MKLN1: variants seen among roughly 807,000 people sequenced by gnomAD.
The protein encoded by MKLN1 is muskelin 1, also known as muskelin.
Under a neutral mutation model 99.0 loss-of-function variants are expected in MKLN1, and 18 were observed. That is an observed-to-expected ratio of 0.18 (90% CI 0.13 to 0.27). MKLN1 has a LOEUF of 0.27. Among genes scored for constraint, MKLN1 ranks in the 10% least tolerant of loss-of-function variants. The pLI, the probability that MKLN1 is intolerant of heterozygous loss-of-function variation, is 1.00. For missense variants in MKLN1, 621 were observed against 875.9 expected, an observed-to-expected ratio of 0.71 and a Z score of 3.67; for synonymous variants, 288 against 293.2, an observed-to-expected ratio of 0.98 and a Z score of 0.18.
intron 1 of MKLN1, among the ~76,000 whole-genome samples, chr7:131,345,389 G>T (rs1451416694): frequency 6.6e-6 from 1 of 152,164 alleles, no homozygotes; most frequent in African/African-American, 2.4e-5. Flanking sequence ...AACTCAAAAA[G>T]TTTTCAGATT....
intron 1 of MKLN1, among the ~76,000 whole-genome samples, chr7:131,127,751 A>C (rs961886877): frequency 3.9e-5 from 6 of 152,132 alleles, no homozygotes; most frequent in African/African-American, 1.4e-4. Context: ...GATTGACTTA[A>C]AGCCCTGGTG....
At chr7:131,218,225 T>TGC (rs1797012537) in intron 3 of MKLN1, among the ~76,000 whole-genome samples, 2 of 152,204 alleles carry the variant, frequency 1.3e-5, no homozygotes, top group Non-Finnish European at 2.9e-5. Context: ...AATGATGTTA[T>TGC]CCATAGGGGC....
intron 1 of MKLN1, among the ~76,000 whole-genome samples, chr7:131,328,700 T>A (rs1798972692): frequency 6.6e-6 from 1 of 152,174 alleles, no homozygotes; most frequent in Non-Finnish European, 1.5e-5. Context: ...CACAGACACG[T>A]TTCCCAGTCC....
intron 3 of MKLN1, among the ~76,000 whole-genome samples, chr7:131,270,420 C>G (rs1797867620): frequency 1.3e-5 from 2 of 152,172 alleles, no homozygotes; most frequent in Non-Finnish European, 1.5e-5. Flanking sequence ...AGGGTTTCAC[C>G]ATGTTGGCCA....
At chr7:131,271,923 A>T (rs1446184650) in intron 3 of MKLN1, among the ~76,000 whole-genome samples, 1 of 152,036 alleles carries the variant, frequency 6.6e-6, no homozygotes, top group Non-Finnish European at 1.5e-5. Flanking sequence ...AAAAAAAAAA[A>T]ATCAAAGATT....
In MKLN1 at chr7:131,491,024, A is replaced by C. The variant is rs1797409282; in HGVS notation, c.*3296A>C. The C allele has an allele frequency of 6.6e-6, 1 of 152,182 alleles. No individual in the cohort carries two copies. Among genetic ancestry groups the C allele is most frequent in the South Asian group, 2.1e-4 (1 of 4,834 alleles). The allele number at this position is 152,182 out of a possible 1,614,324, so 9.4% of individuals were successfully genotyped here. On this transcript the variant is annotated 3_prime_UTR_variant, in exon 18 of 18. Coordinates refer to ENST00000352689, the MANE Select transcript of MKLN1 (RefSeq NM_013255.5). The stretch of plus-strand genomic sequence containing the variant: ...AATTATACTCAATTTCATGGTAATT[A>C]CATGAAGAAGTTACCTGCAATTATT...
intron 2 of MKLN1, among the ~76,000 whole-genome samples, chr7:131,375,836 A>T (rs1030607005): frequency 1.0e-4 from 15 of 150,200 alleles, no homozygotes; most frequent in Non-Finnish European, 1.9e-4. Context: ...TTATTTTATT[A>T]TAATATTATT....
chr7:131,258,326 CTCTGTTGCTGGAGGAAGAT>C (rs374068520), intron 3 of MKLN1, among the ~76,000 whole-genome samples: 93 of 146,088 alleles, frequency 6.4e-4, no homozygotes, highest in African/African-American at 2.1e-3. Flanking sequence ...TCCTGAGATG[CTCTGTTGCTGGAGGAAGAT>C]TCTGTTGCTG....
intron 1 of MKLN1, among the ~76,000 whole-genome samples, chr7:131,331,474 C>T (rs1799072417): frequency 6.6e-6 from 1 of 152,028 alleles, no homozygotes; most frequent in South Asian, 2.1e-4. Context: ...GTTAACTTGC[C>T]CAGGTCTAAG....
Position 131,143,035 on chromosome 7 carries a change from CT to C in MKLN1, c.-297+96del, listed in dbSNP as rs1255945119. Reference sequence around the variant, plus strand: ...CTTTTCAAATTCTTCTCTCTGGAGTCTTCATCAGAAGATGTGACTGGAGTCC... The same window carrying C: ...CTTTTCAAATTCTTCTCTCTGGAGTCTCATCAGAAGATGTGACTGGAGTCC... On this transcript the variant is annotated intron_variant, in intron 2 of 7. Transcript: ENST00000416992. The C allele has an allele frequency of 4.5e-6, 4 of 884,398 alleles. No individual in the cohort carries two copies. In the African/African-American group the frequency reaches 7.0e-5, roughly 15 times the overall value. The allele number at this position is 884,398 out of a possible 1,614,324, so 54.8% of individuals were successfully genotyped here. A position where few individuals can be genotyped will look rare whatever the true frequency, so the allele number is the denominator to read the frequency against.
At chr7:131,444,789 G>C (rs1255016206) in intron 11 of MKLN1, among the ~76,000 whole-genome samples, 4 of 147,878 alleles carry the variant, frequency 2.7e-5, no homozygotes, top group Non-Finnish European at 4.5e-5. Context: ...AGTAGTAGTA[G>C]TAGTAGTAGT....
chr7:131,420,557 A>G (rs892951783), intron 8 of MKLN1, among the ~76,000 whole-genome samples: 2 of 152,250 alleles, frequency 1.3e-5, no homozygotes, highest in African/African-American at 4.8e-5. Context: ...TTAGACATCT[A>G]CATAGGTATG....
At chr7:131,138,868 C>A (rs780727895) in intron 1 of MKLN1, among the ~76,000 whole-genome samples, 1 of 152,158 alleles carries the variant, frequency 6.6e-6, no homozygotes, top group Non-Finnish European at 1.5e-5. Context: ...TCATTGTATG[C>A]GTCTTGGAAA....
rs1051594111 is a variant in MKLN1, at chr7:131,351,180, C to T, written c.98+23183C>T. Among the ~76,000 whole-genome samples the T allele has an allele frequency of 7.9e-5, 12 of 151,850 alleles. No individual in the cohort carries two copies. The South Asian group carries it at 8.3e-4, about 11-fold the overall frequency. On this transcript the variant is annotated intron_variant, in intron 1 of 17. Transcript: ENST00000352689. ...AGAGGATTGCTTGAGTCCAGGAGGT[C>T]GAGGCTGCAGTGAGCTATGATTGTG...
intron 3 of MKLN1, among the ~76,000 whole-genome samples, chr7:131,285,553 A>G (rs1056392644): frequency 6.6e-6 from 1 of 152,194 alleles, no homozygotes; most frequent in African/African-American, 2.4e-5. Flanking sequence ...TTCCCTCCTG[A>G]CAATCACCTT....
chr7:131,191,565 G>A (rs1038221166), intron 2 of MKLN1, among the ~76,000 whole-genome samples: 4 of 152,064 alleles, frequency 2.6e-5, no homozygotes, highest in African/African-American at 9.7e-5. Flanking sequence ...AAAGGAAATT[G>A]AAGAATTTTC....
At chr7:131,165,826 G>A (rs928152433) in intron 2 of MKLN1, among the ~76,000 whole-genome samples, 6 of 152,216 alleles carry the variant, frequency 3.9e-5, no homozygotes, top group African/African-American at 1.4e-4. Context: ...TTAGAAAACG[G>A]TTATGGGGCT....
At chr7:131,268,972 T>A (rs1261036579) in intron 3 of MKLN1, among the ~76,000 whole-genome samples, 2 of 152,232 alleles carry the variant, frequency 1.3e-5, no homozygotes, top group Non-Finnish European at 2.9e-5. Flanking sequence ...CTTAACTTGT[T>A]CACACATAGG....
intron 1 of MKLN1, among the ~76,000 whole-genome samples, chr7:131,126,441 G>C (rs1795459542): frequency 6.6e-6 from 1 of 152,210 alleles, no homozygotes. Flanking sequence ...CTAAGGTACA[G>C]ATATCCCCCC....
Sources: gnomAD v4.1 joint callset for allele counts (sites outside exome capture counted in the v4.1 genomes callset) on GRCh38, gnomAD v4.1.1 for gene constraint, MANE v1.5 for transcripts, NCBI Gene and HGNC (gene_info 2026-07-23, HGNC 2026-07-21) for gene names.